RHOBTB1: variants seen among roughly 807,000 people sequenced by gnomAD.
RHOBTB1 encodes the protein Rho related BTB domain containing 1, also known as rho-related BTB domain-containing protein 1.
RHOBTB1 carries 40 observed loss-of-function variants against 71.6 expected under a neutral mutation model. The ratio of observed to expected loss-of-function variants is 0.56; its 90% CI spans 0.43 to 0.73. RHOBTB1 has a LOEUF of 0.73. RHOBTB1 is among the 30% of genes least tolerant of loss of function. The probability of loss-of-function intolerance (pLI) is 0.00; values close to 1 mark genes in which losing one functional copy is unlikely to be tolerated. For synonymous variants in RHOBTB1, 319 were observed against 334.9 expected (o/e 0.95, Z 0.52); for missense variants, 797 against 894.0 (o/e 0.89, Z 1.38).
At chr10:60,928,294 G>A (rs867453041) in intron 2 of RHOBTB1, among the ~76,000 whole-genome samples, 4 of 150,930 alleles carry the variant, frequency 2.7e-5, no homozygotes, top group African/African-American at 9.8e-5. Flanking sequence ...ACTATCTTAT[G>A]AGCCAGTAAT....
chr10:60,912,600 T>C lies in RHOBTB1; in HGVS notation c.-10-1048A>G, dbSNP rs572958722. 7.2e-5 allele frequency among the ~76,000 whole-genome samples: 11 copies of C among 152,294 alleles called. No individual in the cohort carries two copies. In the East Asian group the frequency reaches 1.7e-3, roughly 24 times the overall value. ...AAAAAAATTATCTTCTGTGTTTTCA[T>C]CAAGAAATCTGGAACATATGGCAAA... On this transcript the variant is annotated intron_variant, in intron 2 of 10. Transcript: ENST00000337910.
At chr10:60,986,390 A>G (rs1056255628) in intron 1 of RHOBTB1, among the ~76,000 whole-genome samples, 17 of 123,642 alleles carry the variant, frequency 1.4e-4, no homozygotes, top group Non-Finnish European at 2.6e-4. Flanking sequence ...GAAATTAATG[A>G]AATATAAATA....
At chr10:60,939,781 T>A (rs2084801154) in intron 2 of RHOBTB1, among the ~76,000 whole-genome samples, 1 of 152,210 alleles carries the variant, frequency 6.6e-6, no homozygotes, top group Non-Finnish European at 1.5e-5. Context: ...AATGGCAGAA[T>A]TTCAAATGTT....
chr10:60,990,154 T>C (rs2086810256), intron 1 of RHOBTB1, among the ~76,000 whole-genome samples: 1 of 151,962 alleles, frequency 6.6e-6, no homozygotes, highest in East Asian at 1.9e-4. Context: ...GGATAATTTT[T>C]TGTATTTTTT....
intron 2 of RHOBTB1, among the ~76,000 whole-genome samples, chr10:60,965,553 G>T (rs2085929817): frequency 6.6e-6 from 1 of 152,032 alleles, no homozygotes; most frequent in South Asian, 2.1e-4. Context: ...AGAATTAATT[G>T]GTGTGCCTTT....
intron 2 of RHOBTB1, among the ~76,000 whole-genome samples, chr10:60,926,402 C>T (rs924444425): frequency 1.3e-5 from 2 of 152,120 alleles, no homozygotes; most frequent in Non-Finnish European, 2.9e-5. Flanking sequence ...TATCCTGATA[C>T]CACAAGCAGA....
the RHOBTB1 span, among the ~76,000 whole-genome samples, chr10:60,863,368 C>T: frequency 1.3e-5 from 2 of 151,946 alleles, no homozygotes; most frequent in Non-Finnish European, 2.9e-5. Flanking sequence ...TGTTTTTACA[C>T]AGTGGCAACA....
chr10:60,939,775 G>T (rs2084800827), intron 2 of RHOBTB1, among the ~76,000 whole-genome samples: 1 of 152,092 alleles, frequency 6.6e-6, no homozygotes, highest in African/African-American at 2.4e-5. Flanking sequence ...GCAAAAAATG[G>T]CAGAATTTCA....
At chr10:60,983,135 G>A (rs1018558081) in intron 2 of RHOBTB1, among the ~76,000 whole-genome samples, 7 of 152,028 alleles carry the variant, frequency 4.6e-5, no homozygotes, top group African/African-American at 1.7e-4. Flanking sequence ...ATTATGTTGG[G>A]AATCAATATT....
At chr10:60,865,867 T>C (rs945976269), downstream of RHOBTB1, among the ~76,000 whole-genome samples, 3 of 152,334 alleles carry the variant, frequency 2.0e-5, no homozygotes, top group Middle Eastern at 3.4e-3. Flanking sequence ...AGTCTCGCTC[T>C]GTCACCCAGG....
chr10:60,884,562 T>C (rs2081478932), intron 7 of RHOBTB1, among the ~76,000 whole-genome samples: 2 of 152,160 alleles, frequency 1.3e-5, no homozygotes, highest in Admixed American at 1.3e-4. Context: ...CTATTCACAA[T>C]AGCCAAGATA....
chr10:60,980,309 A>T (rs2086454128), intron 2 of RHOBTB1, among the ~76,000 whole-genome samples: 1 of 152,228 alleles, frequency 6.6e-6, no homozygotes, highest in Non-Finnish European at 1.5e-5. Context: ...TACAAAAATC[A>T]ATAAATGTCC....
At chr10:60,934,085 G>T (rs149679074) in intron 2 of RHOBTB1, among the ~76,000 whole-genome samples, 70 of 152,018 alleles carry the variant, frequency 4.6e-4, no homozygotes, top group Non-Finnish European at 7.6e-4. Context: ...GTGACATAAA[G>T]AAATTTTACA....
chr10:60,927,022 T>C (rs2083923795), intron 2 of RHOBTB1, among the ~76,000 whole-genome samples: 1 of 152,148 alleles, frequency 6.6e-6, no homozygotes, highest in African/African-American at 2.4e-5. Flanking sequence ...AATAGTAAAG[T>C]TTCAGGATAT....
At chr10:61,001,683 G>A (rs943127906), upstream of RHOBTB1, among the ~76,000 whole-genome samples, 8 of 152,000 alleles carry the variant, frequency 5.3e-5, no homozygotes, top group Non-Finnish European at 1.2e-4. Flanking sequence ...CAACGCCTAG[G>A]CGGTCCCGGG....
the RHOBTB1 span, among the ~76,000 whole-genome samples, chr10:60,861,597 C>T: frequency 0.18 from 27,536 of 152,026 alleles, 2,790 homozygotes; most frequent in African/African-American, 0.27. Context: ...GAGATCCTAA[C>T]TGGTTGTGAT....
intron 5 of RHOBTB1, among the ~76,000 whole-genome samples, chr10:60,891,502 G>A (rs2081917887): frequency 6.6e-6 from 1 of 151,522 alleles, no homozygotes; most frequent in Admixed American, 6.6e-5. Context: ...CACCAGTCCT[G>A]GCTGATTTAT....
intron 2 of RHOBTB1, among the ~76,000 whole-genome samples, chr10:60,985,610 T>C (rs781038428): frequency 6.6e-6 from 1 of 152,176 alleles, no homozygotes; most frequent in Non-Finnish European, 1.5e-5. Context: ...AACTCATATG[T>C]AGGTCCAAAT....
intron 2 of RHOBTB1, among the ~76,000 whole-genome samples, chr10:60,972,859 AC>A (rs1012611278): frequency 2.9e-4 from 44 of 152,118 alleles, no homozygotes; most frequent in African/African-American, 1.0e-3. Flanking sequence ...CTCTATGGCA[AC>A]CCTGCTTGGA....
Sources: allele counts gnomAD v4.1 joint callset (sites outside exome capture counted in the v4.1 genomes callset), GRCh38; gene constraint gnomAD v4.1.1; transcripts MANE v1.5; gene names NCBI Gene and HGNC (gene_info 2026-07-23, HGNC 2026-07-21).